GOLGA2: variants seen among roughly 807,000 people sequenced by gnomAD.
GOLGA2 encodes golgin subfamily A member 2.
GOLGA2 carries 49 observed loss-of-function variants against 148.8 expected under a neutral mutation model. The ratio of observed to expected loss-of-function variants is 0.33; its 90% CI spans 0.26 to 0.42. GOLGA2 has a LOEUF of 0.42. Among genes scored for constraint, GOLGA2 ranks in the 10% least tolerant of loss-of-function variants. GOLGA2 has a pLI of 1.00. For synonymous variants in GOLGA2, 501 were observed against 511.8 expected (o/e 0.98, Z 0.28); for missense variants, 1,178 against 1,304.6 (o/e 0.90, Z 1.49).
chr9:128,261,561 C>T lies in GOLGA2; in HGVS notation c.1225G>A (p.Val409Ile), dbSNP rs1830277597. ...TGTAGTTGTCTAACCGACTCCATTA[C>T]CTGCAAGAATGGCCACAGAAATGAG... ...RAQLEAHLGQ[V>I]MESVRQLQME... The change falls in exon 16 of 27, where the codon GTA becomes ATA. Residue 409 changes from valine to isoleucine, a missense_variant and splice_region_variant. Val to Ile is a conservative substitution (Grantham distance 29). Around this residue, in one of 5 missense-constraint regions of GOLGA2, gnomAD observed 304 missense variants for 404.1 expected, o/e 0.75. Transcript: ENST00000611957. This position sits in a 1 kb window ranked among gnomAD's most constrained non-coding sequence, Gnocchi z 5.7. 3 of 1,583,932 alleles carry T rather than the reference C, an allele frequency of 1.9e-6. No individual in the cohort carries two copies. In the South Asian group the frequency reaches 3.3e-5, roughly 17 times the overall value.
At chr9:128,269,560 C>T (rs1414037199) in intron 3 of GOLGA2, among the ~76,000 whole-genome samples, 2 of 152,148 alleles carry the variant, frequency 1.3e-5, no homozygotes, top group African/African-American at 4.8e-5. Flanking sequence ...CCCAACTGGA[C>T]CTACCTGCTT....
chr9:128,266,301 C>A lies in GOLGA2; in HGVS notation c.667G>T (p.Asp223Tyr). The A allele has an allele frequency of 6.2e-7, 1 of 1,613,224 alleles. No individual in the cohort carries two copies. Among genetic ancestry groups the A allele is most frequent in the Non-Finnish European group, 8.5e-7 (1 of 1,179,376 alleles). The change falls in exon 9 of 27, where the codon GAT becomes TAT. Residue 223 changes from aspartate (D) to tyrosine (Y), a missense_variant. Physicochemically the swap from Asp to Tyr is radical, Grantham distance 160 (BLOSUM62 -3). Around this residue, in one of 5 missense-constraint regions of GOLGA2, gnomAD observed 304 missense variants for 404.1 expected, o/e 0.75. Coordinates refer to ENST00000611957, the MANE Select transcript of GOLGA2 (RefSeq NM_001366244.2). The surrounding 1 kb of genome is among the most constrained non-coding windows in gnomAD (Gnocchi z 4.2). Reference protein sequence around the residue: ...KLKQQNQEITDQLEEEKKECH... With the variant: ...KLKQQNQEITYQLEEEKKECH... The stretch of plus-strand genomic sequence containing the variant: ...AATCACGTTACTTCTTCCAACTGAT[C>A]CGTAATTTCTTGGTTCTGTTGTTTC...
Position 128,258,008 on chromosome 9 carries a change from G to A in GOLGA2, c.2480C>T (p.Ala827Val). The change falls in exon 23 of 27, where the codon GCC becomes GTC. Residue 827 changes from alanine to valine, a missense_variant. Ala to Val is a moderately conservative substitution (Grantham distance 64). Coordinates refer to ENST00000611957, the MANE Select transcript of GOLGA2 (RefSeq NM_001366244.2). The surrounding 1 kb of genome is among the most constrained non-coding windows in gnomAD (Gnocchi z 6.6). ...GDSVCGETHR[A>V]LQGAMEKLQS... is the part of the protein sequence containing the mutation. The stretch of plus-strand genomic sequence containing the variant: ...CAGCTTCTCCATGGCCCCCTGCAGG[G>A]CCCGGTGGGTCTCCCCACACACAGA... 1 of 1,609,632 alleles carries A rather than the reference G, an allele frequency of 6.2e-7. No individual in the cohort carries two copies. The highest frequency in any genetic ancestry group is 8.5e-7 in the Non-Finnish European group (1 of 1,177,500).
rs1193285390 is a variant in GOLGA2 at position 128,257,409 on chromosome 9, G to A, written c.2835C>T (p.Ala945=). ...QNPADEPTSG[A]PAPQELGAAN... ...CAGCCCCAAGTTCCTGGGGGGCTGG[G>A]GCCCCTGAAGTGGGCTCATCAGCAG... The change falls in exon 26 of 27, where the codon GCC becomes GCT. Residue 945 remains alanine, a synonymous_variant. Transcript: ENST00000611957. The surrounding 1 kb of genome is among the most constrained non-coding windows in gnomAD (Gnocchi z 8.0). 2 of 1,612,888 alleles carry A rather than the reference G, an allele frequency of 1.2e-6. No homozygotes were observed. The highest frequency in any genetic ancestry group is 3.3e-5 in the Admixed American group (2 of 60,002).
chr9:128,275,339 G>T, intron 1 of GOLGA2: 1 of 1,146,090 alleles, frequency 8.7e-7, no homozygotes, highest in South Asian at 2.7e-5. Flanking sequence ...GTTCCGAGGG[G>T]GATTGTGACG....
intron 14 of GOLGA2, among the ~76,000 whole-genome samples, chr9:128,262,327 AC>A (rs1256894507): frequency 1.2e-4 from 7 of 59,480 alleles, no homozygotes; most frequent in African/African-American, 2.7e-4. Context: ...ATGCTTTAAA[AC>A]AAAACAAAAC....
At chr9:128,272,935 A>G (rs1831051010) in intron 2 of GOLGA2, 70 bp from the exon 3 acceptor site, 1 of 492,772 alleles carries the variant, frequency 2.0e-6, no homozygotes, top group South Asian at 1.7e-5. Flanking sequence ...GAGAGGCAAG[A>G]AAGTCAGGGA....
rs1321998281 is a variant in GOLGA2 at position 128,266,987 on chromosome 9, G to C, written c.642+207C>G. 2 of 624,184 alleles carry C rather than the reference G, an allele frequency of 3.2e-6. No homozygotes were observed. Among genetic ancestry groups the C allele is most frequent in the Non-Finnish European group, 5.8e-6 (2 of 346,736 alleles). The allele number at this position is 624,184 out of a possible 1,614,324, so 38.7% of individuals were successfully genotyped here. A position where few individuals can be genotyped will look rare whatever the true frequency, so the allele number is the denominator to read the frequency against. ...AAGGACTCGAGCAGGGGTGTCTAGAGAAGAGAGAGTAGGCAAAGAGGGCAG... is the reference window on the plus strand; with the variant it reads ...AAGGACTCGAGCAGGGGTGTCTAGACAAGAGAGAGTAGGCAAAGAGGGCAG... On this transcript the variant is annotated intron_variant, in intron 8 of 26. Transcript: ENST00000611957. This position sits in a 1 kb window ranked among gnomAD's most constrained non-coding sequence, Gnocchi z 4.2.
At chr9:128,270,641 C>T (rs967779951) in intron 3 of GOLGA2, among the ~76,000 whole-genome samples, 1 of 151,914 alleles carries the variant, frequency 6.6e-6, no homozygotes, top group African/African-American at 2.4e-5. Flanking sequence ...CAGGATACTA[C>T]GATCACAGGC....
chr9:128,272,533 G>C (rs1831019542), intron 3 of GOLGA2, among the ~76,000 whole-genome samples: 1 of 151,746 alleles, frequency 6.6e-6, no homozygotes, highest in Non-Finnish European at 1.5e-5. Context: ...TGCTCTAAAA[G>C]TTATTCCCAA....
In GOLGA2 at chr9:128,257,454, G is replaced by T; in HGVS notation, c.2790C>A (p.Phe930Leu). The change falls in exon 26 of 27, where the codon TTC becomes TTA. Residue 930 changes from phenylalanine to leucine, a missense_variant. Phe to Leu is a conservative substitution (Grantham distance 22, BLOSUM62 0). This residue lies in a region of GOLGA2 where 149 missense variants were observed against 154.9 expected (regional missense o/e 0.96). Coordinates refer to ENST00000611957, the MANE Select transcript of GOLGA2 (RefSeq NM_001366244.2). This position sits in a 1 kb window ranked among gnomAD's most constrained non-coding sequence, Gnocchi z 8.0. ...CAGCAGGGTTCTGGGCAGCTGCCAGGAATCTGCCATGCCACTCGTTGCGGT... is the reference window on the plus strand; with the variant it reads ...CAGCAGGGTTCTGGGCAGCTGCCAGTAATCTGCCATGCCACTCGTTGCGGT... ...VGDRNEWHGR[F>L]LAAAQNPADE... The T allele has an allele frequency of 6.2e-7, 1 of 1,613,058 alleles. No individual in the cohort carries two copies. Among genetic ancestry groups the T allele is most frequent in the African/African-American group, 1.3e-5 (1 of 74,994 alleles).
Position 128,257,000 on chromosome 9 carries a change from G to T in GOLGA2, c.*67C>A. ...GTAAAGGGTTGACTGAGAAGGGATG[G>T]TAGGGATATGGTGGGGGCAGGGTAT... On this transcript the variant is annotated 3_prime_UTR_variant, in exon 27 of 27. Transcript: ENST00000611957. 1.7e-6 allele frequency: 2 copies of T among 1,182,386 alleles called. No individual in the cohort carries two copies. The highest frequency in any genetic ancestry group is 2.5e-6 in the Non-Finnish European group (2 of 805,846). 73.2% of individuals were successfully genotyped at this position (1,182,386 alleles called of 1,614,324 possible). A position where few individuals can be genotyped will look rare whatever the true frequency, so the allele number is the denominator to read the frequency against.
At position 128,267,217 on chromosome 9, in the gene GOLGA2, G is replaced by A; in HGVS notation, c.619C>T (p.Leu207Phe). ...LDSSYVTNKQLNITIEKLKQQ... is the reference protein window; with the variant it reads ...LDSSYVTNKQFNITIEKLKQQ... Reference sequence around the variant, plus strand: ...ACCAATTTCTCTATCGTGATATTGAGTTGTTTGTTTGTTACATAGCTGGAG... The same window carrying A: ...ACCAATTTCTCTATCGTGATATTGAATTGTTTGTTTGTTACATAGCTGGAG... Residue 207 changes from leucine to phenylalanine, a missense_variant, in exon 8 of 27, where the codon CTC becomes TTC. Leu to Phe is a conservative substitution (Grantham distance 22). Around this residue, in one of 5 missense-constraint regions of GOLGA2, gnomAD observed 304 missense variants for 404.1 expected, o/e 0.75. Transcript: ENST00000611957. 1.2e-6 allele frequency: 2 copies of A among 1,604,476 alleles called. No homozygotes were observed. The highest frequency in any genetic ancestry group is 8.5e-7 in the Non-Finnish European group (1 of 1,171,174).
Position 128,266,208 on chromosome 9 carries a change from G to A in GOLGA2, c.681+79C>T. The A allele has an allele frequency of 5.0e-6, 7 of 1,407,558 alleles. No homozygotes were observed. 87.2% of individuals were successfully genotyped at this position (1,407,558 alleles called of 1,614,324 possible). On this transcript the variant is annotated intron_variant, in intron 9 of 26. Transcript: ENST00000611957. The surrounding 1 kb of genome is among the most constrained non-coding windows in gnomAD (Gnocchi z 4.2). Reference sequence around the variant, plus strand: ...TCTTCCCCAGGCTGGGAGTGGGTGAGACGAGACTGAGGCCTCTACATTTGA... The same window carrying A: ...TCTTCCCCAGGCTGGGAGTGGGTGAAACGAGACTGAGGCCTCTACATTTGA...
intron 12 of GOLGA2, among the ~76,000 whole-genome samples, chr9:128,264,384 G>A (rs982917606): frequency 3.3e-4 from 50 of 149,690 alleles, no homozygotes; most frequent in African/African-American, 7.6e-4. Flanking sequence ...ACAGGCATGC[G>A]CCATCATGCC....
chr9:128,262,448 C>G (rs1830330074), intron 14 of GOLGA2, 115 bp downstream of exon 14: 2 of 948,270 alleles, frequency 2.1e-6, no homozygotes. Flanking sequence ...AGGACCGGAA[C>G]AAGGACCCAA....
Position 128,258,540 on chromosome 9 carries a change from T to G in GOLGA2, c.2204A>C (p.Asp735Ala). ...CGCCTCCTCCTCCTCCTCCTCCTCA[T>G]CCTCCTCCTCCTCCCGGTCCAGTCC... The part of the protein sequence containing the change: ...GDGLDREEEE[D>A]EEEEEEEAVA... Residue 735 changes from aspartate (D) to alanine (A), a missense_variant, in exon 22 of 27, where the codon GAT (aspartate) becomes GCT (alanine). By Grantham distance (126) the Asp-to-Ala change is moderately radical. Around this residue, in one of 5 missense-constraint regions of GOLGA2, gnomAD observed 529 missense variants for 521.8 expected, o/e 1.01. Transcript: ENST00000611957. The surrounding 1 kb of genome is among the most constrained non-coding windows in gnomAD (Gnocchi z 6.6). The G allele has an allele frequency of 6.6e-7, 1 of 1,525,394 alleles. No homozygotes were observed. The highest frequency in any genetic ancestry group is 8.8e-7 in the Non-Finnish European group (1 of 1,131,070). The allele number at this position is 1,525,394 out of a possible 1,614,324, so 94.5% of individuals were successfully genotyped here.
Position 128,268,140 on chromosome 9 carries a change from G to C in GOLGA2, c.414C>G (p.Val138=). ...ACTTGGTTTCATCCATGAGATTAGG[G>C]ACATTGTCAGCATCATGATTCTGTT... ...AASQNHDADN[V]PNLMDETKTF... The change falls in exon 5 of 27, where the codon GTC becomes GTG. Residue 138 remains valine, a synonymous_variant. Transcript: ENST00000611957. The C allele has an allele frequency of 1.2e-6, 2 of 1,613,446 alleles. No homozygotes were observed. Among genetic ancestry groups the C allele is most frequent in the South Asian group, 1.1e-5 (1 of 91,062 alleles).
intron 13 of GOLGA2, 74 bp downstream of exon 13, chr9:128,262,960 G>T: frequency 9.7e-7 from 1 of 1,029,698 alleles, no homozygotes; most frequent in Non-Finnish European, 1.5e-6. Flanking sequence ...ATGCTTACCT[G>T]TACCCCCCAC....
Sources: allele counts gnomAD v4.1 joint callset (sites outside exome capture counted in the v4.1 genomes callset), GRCh38; gene constraint gnomAD v4.1.1; regional missense constraint gnomAD v4.1.1; non-coding constraint Gnocchi (gnomAD v3.1); transcripts MANE v1.5; gene names NCBI Gene and HGNC (gene_info 2026-07-23, HGNC 2026-07-21).